The following GASK1A variants were observed in gnomAD, a reference collection of about 807,000 sequenced individuals.
GASK1A encodes Golgi-associated kinase 1A.
Under a neutral mutation model 41.2 loss-of-function variants are expected in GASK1A, and 40 were observed. The observed-to-expected ratio is 0.97, with a 90% CI of 0.75 to 1.27. The LOEUF is 1.27. Among genes scored for constraint, GASK1A ranks in the 50% most tolerant of loss-of-function variants. The probability of loss-of-function intolerance (pLI) is 0.00; values close to 1 mark genes in which losing one functional copy is unlikely to be tolerated. For synonymous variants in GASK1A, 316 were observed against 307.1 expected (o/e 1.03, Z -0.30); for missense variants, 678 against 745.1 (o/e 0.91, Z 1.05).
intron 1 of GASK1A, among the ~76,000 whole-genome samples, chr3:43,019,576 A>G (rs998351051): frequency 1.3e-5 from 2 of 152,186 alleles, no homozygotes; most frequent in African/African-American, 4.8e-5. Flanking sequence ...GACAAACTGC[A>G]CTTTAAGAAA....
chr3:43,051,109 A>G (rs1286962721), intron 2 of GASK1A, among the ~76,000 whole-genome samples: 2 of 152,210 alleles, frequency 1.3e-5, no homozygotes, highest in East Asian at 3.8e-4. Flanking sequence ...GAGTATTTAA[A>G]TAATATAAGG....
intron 3 of GASK1A, chr3:43,054,176 C>G: frequency 5.0e-6 from 1 of 200,732 alleles, no homozygotes; most frequent in African/African-American, 2.3e-5. Context: ...GCATAAGAAG[C>G]AAGGTGCTTC....
At position 43,055,527 on chromosome 3, in the gene GASK1A, C is replaced by T; in HGVS notation, c.1509C>T (p.Gly503=). 2 of 1,551,378 alleles carry T rather than the reference C, an allele frequency of 1.3e-6. No individual in the cohort carries two copies. The highest frequency in any genetic ancestry group is 8.7e-7 in the Non-Finnish European group (1 of 1,146,472). The change falls in exon 4 of 5, where the codon GGC becomes GGT. Residue 503 remains glycine (G), a synonymous_variant. Coordinates refer to ENST00000430121, the MANE Select transcript of GASK1A (RefSeq NM_001129908.3). ...EDKLNFRLLE[G]IDGFPESAVK... ...AGCTGAACTTTCGGCTGCTGGAGGG[C>T]ATAGATGGGTGAGGGTCAAAAGGGT... is the stretch of plus-strand genomic sequence containing the variant.
intron 2 of GASK1A, among the ~76,000 whole-genome samples, chr3:43,042,083 A>G (rs2089640732): frequency 6.6e-6 from 1 of 152,192 alleles, no homozygotes; most frequent in South Asian, 2.1e-4. Context: ...CATGTTTCTT[A>G]CAGATTCGGG....
chr3:43,017,084 A>C (rs2089495471), intron 1 of GASK1A, among the ~76,000 whole-genome samples: 1 of 151,734 alleles, frequency 6.6e-6, no homozygotes, highest in Non-Finnish European at 1.5e-5. Context: ...AAGTCACATG[A>C]AGTGGCATTG....
In GASK1A at chr3:43,033,401, G is replaced by C. The variant is rs752985344; in HGVS notation, c.1138G>C (p.Asp380His). Reference sequence around the variant, plus strand: ...GGCACCCGATGTGCAGCACCTGAGCGACCCAGATGAGGATCAGAACTCTCT... The same window carrying C: ...GGCACCCGATGTGCAGCACCTGAGCCACCCAGATGAGGATCAGAACTCTCT... ...WWAPDVQHLS[D>H]PDEDQNSLAL... The change falls in exon 2 of 5, where the codon GAC becomes CAC. Residue 380 changes from aspartate (D) to histidine (H), a missense_variant. Physicochemically the swap from Asp to His is moderately conservative, Grantham distance 81 (BLOSUM62 -1). Transcript: ENST00000430121. 1 of 1,551,608 alleles carries C rather than the reference G, an allele frequency of 6.4e-7. No individual in the cohort carries two copies. Among genetic ancestry groups the C allele is most frequent in the South Asian group, 1.2e-5 (1 of 84,066 alleles).
Position 43,033,151 on chromosome 3 carries a change from T to C in GASK1A, c.888T>C (p.Thr296=). Residue 296 remains threonine (T), a synonymous_variant, in exon 2 of 5, where the codon ACT becomes ACC. Coordinates refer to ENST00000430121, the MANE Select transcript of GASK1A (RefSeq NM_001129908.3). ...HGQVLQVGFS[T]EAALQDLSSP... is the part of the protein sequence containing the mutation. ...AGGTGCTACAGGTTGGCTTCTCCACTGAGGCTGCCCTTCAGGACCTGTCCT... is the reference window on the plus strand; with the variant it reads ...AGGTGCTACAGGTTGGCTTCTCCACCGAGGCTGCCCTTCAGGACCTGTCCT... The C allele has an allele frequency of 6.4e-7, 1 of 1,550,828 alleles. No homozygotes were observed. The highest frequency in any genetic ancestry group is 8.7e-7 in the Non-Finnish European group (1 of 1,146,418).
chr3:42,985,551 G>A (rs1575433214), intron 1 of GASK1A, among the ~76,000 whole-genome samples: 3 of 74,614 alleles, frequency 4.0e-5, no homozygotes, highest in East Asian at 1.8e-3. Flanking sequence ...GCATACGTGT[G>A]TGTGTGTGTG....
In GASK1A at chr3:43,032,937, GA is replaced by G; in HGVS notation, c.675del (p.Ala226LeufsTer23). On this transcript the variant is annotated frameshift_variant, in exon 2 of 5. Coordinates refer to ENST00000430121, the MANE Select transcript of GASK1A (RefSeq NM_001129908.3). LOFTEE classifies it high-confidence loss of function. Reference sequence around the variant, plus strand: ...GCAGAGGATCCCACCTTGGCCTCAGGAGCTCATCAGTGGCCTGGCTCTGTTG... The same window carrying G: ...GCAGAGGATCCCACCTTGGCCTCAGGGCTCATCAGTGGCCTGGCTCTGTTG... ...QQAEDPTLAS[G>X]AHQWPGSVEK... 1 of 1,551,148 alleles carries G rather than the reference GA, an allele frequency of 6.4e-7. No individual in the cohort carries two copies. Among genetic ancestry groups the G allele is most frequent in the South Asian group, 1.2e-5 (1 of 84,028 alleles).
intron 2 of GASK1A, among the ~76,000 whole-genome samples, chr3:43,046,817 C>T (rs913499853): frequency 6.6e-6 from 1 of 152,202 alleles, no homozygotes; most frequent in Non-Finnish European, 1.5e-5. Flanking sequence ...TGGTGCCCTC[C>T]ATCCCAGCTG....
At chr3:43,053,450 T>G in intron 2 of GASK1A, 71 bp from the exon 3 acceptor site, 1 of 1,459,490 alleles carries the variant, frequency 6.9e-7, no homozygotes, top group South Asian at 1.4e-5. Context: ...GCAGGTCAGG[T>G]GGCCTCCATG....
intron 2 of GASK1A, among the ~76,000 whole-genome samples, chr3:43,036,604 G>A (rs902048563): frequency 1.3e-5 from 2 of 152,174 alleles, no homozygotes; most frequent in Non-Finnish European, 2.9e-5. Flanking sequence ...ATAACACTGT[G>A]TAACAAACCT....
intron 2 of GASK1A, among the ~76,000 whole-genome samples, chr3:43,035,487 C>T (rs2089599895): frequency 1.3e-5 from 2 of 152,170 alleles, no homozygotes; most frequent in Non-Finnish European, 2.9e-5. Context: ...GCCCTGTATG[C>T]GTATTCTACA....
At chr3:42,988,066 A>T (rs1027277549) in intron 1 of GASK1A, among the ~76,000 whole-genome samples, 3 of 147,798 alleles carry the variant, frequency 2.0e-5, no homozygotes, top group African/African-American at 7.5e-5. Context: ...GGGTTTATTT[A>T]TGTCCCCCAA....
intron 1 of GASK1A, among the ~76,000 whole-genome samples, chr3:43,025,206 G>A (rs565891048): frequency 6.6e-6 from 1 of 152,294 alleles, no homozygotes. Flanking sequence ...ACGTGTCCTG[G>A]TAAAGAAGAG....
intron 1 of GASK1A, among the ~76,000 whole-genome samples, chr3:42,994,550 G>A (rs191903430): frequency 2.4e-4 from 36 of 152,164 alleles, no homozygotes; most frequent in Middle Eastern, 6.8e-3. Context: ...GGAGGCCTCC[G>A]ATGCAGTTTT....
chr3:43,030,276 G>C lies in GASK1A; in HGVS notation c.4-1991G>C, dbSNP rs374158449. 6.6e-5 allele frequency among the ~76,000 whole-genome samples: 10 copies of C among 152,334 alleles called. No individual in the cohort carries two copies. The East Asian group carries it at 1.7e-3, about 26-fold the overall frequency. ...CCCACCTTGGCCTCCCAAAGTGCTG[G>C]GATTACAGGCATGAGCGACCGCGCC... On this transcript the variant is annotated intron_variant, in intron 1 of 4. Transcript: ENST00000430121.
At position 42,992,115 on chromosome 3, in the gene GASK1A, G is replaced by A. The variant is rs144631012; in HGVS notation, c.3+12470G>A. ...CCCTCATCTCCCTTTAGGCTGACTG[G>A]GCAGGGATGCCTTGTGTAGTCACTT... On this transcript the variant is annotated intron_variant, in intron 1 of 4. Coordinates refer to ENST00000430121, the MANE Select transcript of GASK1A (RefSeq NM_001129908.3). Among the ~76,000 whole-genome samples the A allele has an allele frequency of 2.3e-3, 357 of 152,066 alleles. 3 individuals are homozygous for A. Among genetic ancestry groups the A allele is most frequent in the African/African-American group, 8.1e-3 (335 of 41,498 alleles).
chr3:43,033,345 C>T lies in GASK1A; in HGVS notation c.1082C>T (p.Thr361Ile). ...FHSPLLPYRY[T>I]DGGARPVIWW... ...AGCCCCCTCCTGCCCTACCGATACA[C>T]AGACGGTGGAGCAAGGCCTGTCATC... Residue 361 changes from threonine (T) to isoleucine (I), a missense_variant, in exon 2 of 5, where the codon ACA (threonine) becomes ATA (isoleucine). Transcript: ENST00000430121. 1 of 1,551,366 alleles carries T rather than the reference C, an allele frequency of 6.4e-7. No individual in the cohort carries two copies. The highest frequency in any genetic ancestry group is 2.4e-5 in the East Asian group (1 of 40,928).
Sources: gnomAD v4.1 joint callset for allele counts (sites outside exome capture counted in the v4.1 genomes callset) on GRCh38, gnomAD v4.1.1 for gene constraint, MANE v1.5 for transcripts, NCBI Gene and HGNC (gene_info 2026-07-23, HGNC 2026-07-21) for gene names.